Variants in LRFN5 observed in about 807,000 individuals in gnomAD.
LRFN5 encodes the protein leucine rich repeat and fibronectin type III domain containing 5, also known as leucine-rich repeat and fibronectin type-III domain-containing protein 5.
LRFN5 carries 24 observed loss-of-function variants against 45.6 expected under a neutral mutation model. The observed-to-expected ratio is 0.53, with a 90% CI of 0.38 to 0.74. LRFN5 has a LOEUF of 0.74. LRFN5 is among the 30% of genes least tolerant of loss of function. The pLI, the probability that LRFN5 is intolerant of heterozygous loss-of-function variation, is 0.00. For missense variants in LRFN5, 776 were observed against 861.5 expected, an observed-to-expected ratio of 0.90 and a Z score of 1.24; for synonymous variants, 340 against 313.8, an observed-to-expected ratio of 1.08 and a Z score of -0.88.
chr14:41,767,828 G>T (rs765400361), intron 2 of LRFN5, among the ~76,000 whole-genome samples: 1 of 152,084 alleles, frequency 6.6e-6, no homozygotes, highest in Non-Finnish European at 1.5e-5. Context: ...TAAAGACAAC[G>T]TCTCAGGAAA....
intron 1 of LRFN5, among the ~76,000 whole-genome samples, chr14:41,635,763 C>A (rs1325242095): frequency 6.6e-6 from 1 of 152,144 alleles, no homozygotes; most frequent in Admixed American, 6.6e-5. Context: ...AACAGTCTCA[C>A]TACTGCTTCA....
chr14:41,882,006 C>A lies in LRFN5; in HGVS notation c.-20-4600C>A, dbSNP rs75918507. On this transcript the variant is annotated intron_variant, in intron 2 of 5. Coordinates refer to ENST00000298119, the MANE Select transcript of LRFN5 (RefSeq NM_152447.5). ...TCCTTTTTAATGTTCATCACTTTTTCTTGCTTCTTCAAGTTTTTATGTGAA... is the reference window on the plus strand; with the variant it reads ...TCCTTTTTAATGTTCATCACTTTTTATTGCTTCTTCAAGTTTTTATGTGAA... Among the ~76,000 whole-genome samples, 3,090 of 152,054 alleles carry A rather than the reference C, an allele frequency of 0.02. 196 individuals carry two copies. The East Asian group carries it at 0.22, about 11-fold the overall frequency.
At chr14:41,648,225 G>C (rs1249532334) in intron 1 of LRFN5, among the ~76,000 whole-genome samples, 1 of 151,854 alleles carries the variant, frequency 6.6e-6, no homozygotes, top group Non-Finnish European at 1.5e-5. Context: ...TACCATTATT[G>C]TTTAAAATTG....
intron 2 of LRFN5, among the ~76,000 whole-genome samples, chr14:41,769,482 G>T (rs1039012845): frequency 2.6e-5 from 4 of 152,024 alleles, no homozygotes; most frequent in African/African-American, 9.7e-5. Flanking sequence ...ACATACCTAT[G>T]TATGTGTGTG....
chr14:41,717,227 A>G (rs978355096), intron 1 of LRFN5, among the ~76,000 whole-genome samples: 1 of 152,192 alleles, frequency 6.6e-6, no homozygotes, highest in Admixed American at 6.5e-5. Flanking sequence ...CTCCACACTC[A>G]ACCTCTATTA....
chr14:41,615,127 A>C (rs904420779), intron 1 of LRFN5, among the ~76,000 whole-genome samples: 17 of 152,216 alleles, frequency 1.1e-4, no homozygotes, highest in African/African-American at 3.9e-4. Context: ...AGTTCTCCTG[A>C]CATATATATT....
intron 1 of LRFN5, among the ~76,000 whole-genome samples, chr14:41,763,624 C>G (rs187529542): frequency 6.6e-6 from 1 of 152,138 alleles, no homozygotes; most frequent in South Asian, 2.1e-4. Context: ...CAAAGCTGTT[C>G]TGGTGATAGT....
intron 1 of LRFN5, among the ~76,000 whole-genome samples, chr14:41,757,813 T>C (rs1053446996): frequency 2.0e-5 from 3 of 152,162 alleles, no homozygotes; most frequent in Non-Finnish European, 4.4e-5. Flanking sequence ...GGTACCTCAG[T>C]TGGAAATGCA....
chr14:41,850,539 C>G (rs1005636039), intron 2 of LRFN5, among the ~76,000 whole-genome samples: 1 of 151,778 alleles, frequency 6.6e-6, no homozygotes, highest in Non-Finnish European at 1.5e-5. Context: ...GGACTACATA[C>G]CACACCAATG....
chr14:41,622,633 C>G (rs1316107670), intron 1 of LRFN5, among the ~76,000 whole-genome samples: 1 of 151,920 alleles, frequency 6.6e-6, no homozygotes, highest in Non-Finnish European at 1.5e-5. Context: ...ATCATCTTTC[C>G]TTCATTTTAA....
At chr14:41,622,391 A>T (rs1888167991) in intron 1 of LRFN5, among the ~76,000 whole-genome samples, 1 of 152,042 alleles carries the variant, frequency 6.6e-6, no homozygotes, top group South Asian at 2.1e-4. Flanking sequence ...ATCATTTTTC[A>T]TTGAGAAGCT....
intron 1 of LRFN5, among the ~76,000 whole-genome samples, chr14:41,669,253 C>T (rs1881049201): frequency 6.6e-6 from 1 of 151,030 alleles, no homozygotes; most frequent in African/African-American, 2.4e-5. Flanking sequence ...ACTGCAACTC[C>T]AAAACTGGAA....
intron 2 of LRFN5, among the ~76,000 whole-genome samples, chr14:41,820,627 C>T (rs1888081627): frequency 1.3e-5 from 2 of 151,526 alleles, no homozygotes; most frequent in South Asian, 4.2e-4. Context: ...TTTTAGTTTT[C>T]TGTTTGTTTG....
rs767575563 is a variant in LRFN5 at position 41,735,530 on chromosome 14, C to G, written c.-196-31324C>G. On this transcript the variant is annotated intron_variant, in intron 1 of 5. Transcript: ENST00000298119. The stretch of plus-strand genomic sequence containing the variant: ...CAAGCAGTCCTTCTGCGTCAGCCCC[C>G]CCACGTGCTGGGATTATAGGTATAG... Among the ~76,000 whole-genome samples, 25 of 152,276 alleles carry G rather than the reference C, an allele frequency of 1.6e-4. 1 individual carries two copies. The highest frequency in any genetic ancestry group is 1.1e-3 in the Admixed American group (17 of 15,292).
chr14:41,858,409 C>T (rs891469602), intron 2 of LRFN5, among the ~76,000 whole-genome samples: 1 of 152,108 alleles, frequency 6.6e-6, no homozygotes, highest in Non-Finnish European at 1.5e-5. Context: ...TGATTCTACC[C>T]ATAATACATC....
At chr14:41,893,451 A>C in intron 4 of LRFN5, 1 of 985,040 alleles carries the variant, frequency 1.0e-6, no homozygotes, top group Non-Finnish European at 1.2e-6. Flanking sequence ...TGCACAAAAG[A>C]AATGACATTT....
chr14:41,671,706 T>A (rs1002276018), intron 1 of LRFN5, among the ~76,000 whole-genome samples: 49 of 141,992 alleles, frequency 3.5e-4, no homozygotes, highest in Non-Finnish European at 1.2e-4. Context: ...AACCTCTGCC[T>A]CCTGGGTTCA....
At chr14:41,744,907 G>T (rs1297146365) in intron 1 of LRFN5, among the ~76,000 whole-genome samples, 5 of 151,872 alleles carry the variant, frequency 3.3e-5, no homozygotes. Flanking sequence ...AAAAACTGAT[G>T]GAATTGAAGG....
chr14:41,674,322 C>T (rs1297907410), intron 1 of LRFN5, among the ~76,000 whole-genome samples: 14 of 134,244 alleles, frequency 1.0e-4, no homozygotes, highest in South Asian at 2.5e-4. Context: ...GCTGGCCGGG[C>T]GGGGGGCCGA....
Sources: gnomAD v4.1 joint callset for allele counts (sites outside exome capture counted in the v4.1 genomes callset) on GRCh38, gnomAD v4.1.1 for gene constraint, MANE v1.5 for transcripts, NCBI Gene and HGNC (gene_info 2026-07-23, HGNC 2026-07-21) for gene names.